The following SLC3A1 variants were observed in gnomAD, a reference collection of about 807,000 sequenced individuals.
SLC3A1 encodes the protein solute carrier family 3 member 1.
Under a neutral mutation model 60.3 loss-of-function variants are expected in SLC3A1, and 78 were observed. The ratio of observed to expected loss-of-function variants is 1.29; its 90% CI spans 1.08 to 1.56. The LOEUF (loss-of-function observed/expected upper bound fraction) is 1.56, where lower values mean the gene tolerates loss of function less well. SLC3A1 is among the 40% of genes most tolerant of loss of function. SLC3A1 has a pLI of 0.00. For synonymous variants in SLC3A1, 392 were observed against 307.9 expected, an observed-to-expected ratio of 1.27 and a Z score of -2.86; for missense variants, 1,172 against 858.9, an observed-to-expected ratio of 1.36 and a Z score of -4.56.
At position 44,301,042 on chromosome 2, in the gene SLC3A1, A is replaced by G; in HGVS notation, c.1051A>G (p.Thr351Ala). 4 of 1,614,056 alleles carry G rather than the reference A, an allele frequency of 2.5e-6. No individual in the cohort carries two copies. Among genetic ancestry groups the G allele is most frequent in the Non-Finnish European group, 3.4e-6 (4 of 1,179,990 alleles). ...TQYSELYHDF[T>A]TTQVGMHDIV... ...ATACTCGGAGCTGTACCATGACTTC[A>G]CCACCACGCAGGTGGGAATGCACGA... Residue 351 changes from threonine to alanine, a missense_variant, in exon 6 of 10, where the codon ACC (threonine) becomes GCC (alanine). Transcript: ENST00000260649.
chr2:44,280,838 C>A lies in SLC3A1; in HGVS notation c.553C>A (p.Pro185Thr), dbSNP rs759306145. 1 of 1,613,964 alleles carries A rather than the reference C, an allele frequency of 6.2e-7. No homozygotes were observed. The highest frequency in any genetic ancestry group is 1.1e-5 in the South Asian group (1 of 91,080). ...YGVEDFREVD[P>T]IFGTMEDFEN... The stretch of plus-strand genomic sequence containing the variant: ...TGTTGAAGATTTCCGGGAAGTTGAT[C>A]CCATTTTTGGAACGATGGAAGATTT... Residue 185 changes from proline (P) to threonine (T), a missense_variant, in exon 2 of 10, where the codon CCC becomes ACC. Pro to Thr is a conservative substitution (Grantham distance 38). Transcript: ENST00000260649.
At chr2:44,288,739 A>C (rs913230583) in intron 4 of SLC3A1, among the ~76,000 whole-genome samples, 3 of 152,252 alleles carry the variant, frequency 2.0e-5, no homozygotes, top group Admixed American at 2.0e-4. Flanking sequence ...AAATGGCTAA[A>C]GACGTTGAAC....
chr2:44,293,567 G>A (rs1323989479), intron 4 of SLC3A1, among the ~76,000 whole-genome samples: 1 of 151,998 alleles, frequency 6.6e-6, no homozygotes, highest in Non-Finnish European at 1.5e-5. Flanking sequence ...GAAAAGTCTA[G>A]TCTAGAGATA....
Position 44,280,780 on chromosome 2 carries a change from T to G in SLC3A1, c.495T>G (p.Phe165Leu), listed in dbSNP as rs2104334077. The G allele has an allele frequency of 6.2e-7, 1 of 1,612,468 alleles. No individual in the cohort carries two copies. The highest frequency in any genetic ancestry group is 8.5e-7 in the Non-Finnish European group (1 of 1,178,480). ...LNIKTVWITS[F>L]YKSSLKDFRY... ...TAAAAACTGTTTGGATTACTTCATT[T>G]TATAAATCGTCCCTTAAAGATTTCA... Residue 165 changes from phenylalanine (F) to leucine (L), a missense_variant, in exon 2 of 10, where the codon TTT (phenylalanine) becomes TTG (leucine). Transcript: ENST00000260649.
At chr2:44,285,303 C>A in intron 3 of SLC3A1, 1 of 165,220 alleles carries the variant, frequency 6.1e-6, no homozygotes, top group Admixed American at 5.8e-5. Flanking sequence ...GTAAAATCTC[C>A]CAGTTGTTAA....
At chr2:44,309,999 C>T (rs1327097343) in intron 7 of SLC3A1, among the ~76,000 whole-genome samples, 1 of 152,218 alleles carries the variant, frequency 6.6e-6, no homozygotes, top group African/African-American at 2.4e-5. Context: ...TCAAGCAATC[C>T]TCCTGCATTA....
At chr2:44,312,875 T>A in intron 8 of SLC3A1, 122 bp downstream of exon 8, 2 of 813,478 alleles carry the variant, frequency 2.5e-6, no homozygotes, top group Non-Finnish European at 4.0e-6. Context: ...ATGGTTACTT[T>A]GCTTTTCTTT....
At chr2:44,310,569 T>G (rs1296033145) in intron 7 of SLC3A1, among the ~76,000 whole-genome samples, 1 of 152,216 alleles carries the variant, frequency 6.6e-6, no homozygotes, top group African/African-American at 2.4e-5. Flanking sequence ...AGATTCTGTG[T>G]CTTTTAACGG....
intron 3 of SLC3A1, chr2:44,285,811 C>T: frequency 3.0e-6 from 2 of 676,704 alleles, no homozygotes; most frequent in South Asian, 1.5e-5. Context: ...TTGTTACAAA[C>T]AGCATCTACT....
Position 44,301,041 on chromosome 2 carries a change from C to T in SLC3A1, c.1050C>T (p.Phe350=), listed in dbSNP as rs1376297101. 6 of 1,614,044 alleles carry T rather than the reference C, an allele frequency of 3.7e-6. No individual in the cohort carries two copies. Among genetic ancestry groups the T allele is most frequent in the Non-Finnish European group, 5.1e-6 (6 of 1,180,006 alleles). The stretch of plus-strand genomic sequence containing the variant: ...AATACTCGGAGCTGTACCATGACTT[C>T]ACCACCACGCAGGTGGGAATGCACG... The part of the protein sequence containing the change: ...VTQYSELYHD[F]TTTQVGMHDI... Residue 350 remains phenylalanine (F), a synonymous_variant, in exon 6 of 10, where the codon TTC becomes TTT. Coordinates refer to ENST00000260649, the MANE Select transcript of SLC3A1 (RefSeq NM_000341.4).
At chr2:44,322,339 G>T (rs1673055429), downstream of SLC3A1, among the ~76,000 whole-genome samples, 1 of 152,176 alleles carries the variant, frequency 6.6e-6, no homozygotes, top group African/African-American at 2.4e-5. Flanking sequence ...AATTCATGCA[G>T]CTAAACAGTT....
intron 9 of SLC3A1, 171 bp from the exon 10 acceptor site, chr2:44,320,028 G>C: frequency 1.6e-6 from 1 of 616,126 alleles, no homozygotes; most frequent in Non-Finnish European, 2.8e-6. Flanking sequence ...ATTTCTATCA[G>C]TTTTTATATA....
chr2:44,275,525 G>T lies in SLC3A1; in HGVS notation c.-11G>T. 1 of 1,613,096 alleles carries T rather than the reference G, an allele frequency of 6.2e-7. No homozygotes were observed. Among genetic ancestry groups the T allele is most frequent in the Non-Finnish European group, 8.5e-7 (1 of 1,179,510 alleles). On this transcript the variant is annotated 5_prime_UTR_variant, in exon 1 of 10. Coordinates refer to ENST00000260649, the MANE Select transcript of SLC3A1 (RefSeq NM_000341.4). ...GCAGGAAGGCACTCCGAAGACATAA[G>T]TCGGTGAGACATGGCTGAAGATAAA...
At chr2:44,279,452 G>A (rs1028854513) in intron 1 of SLC3A1, among the ~76,000 whole-genome samples, 1 of 151,968 alleles carries the variant, frequency 6.6e-6, no homozygotes, top group African/African-American at 2.4e-5. Flanking sequence ...TCTGCCCCTG[G>A]GGGTCAAGGG....
At chr2:44,279,344 C>T (rs1671438358) in intron 1 of SLC3A1, among the ~76,000 whole-genome samples, 1 of 152,166 alleles carries the variant, frequency 6.6e-6, no homozygotes, top group African/African-American at 2.4e-5. Context: ...TTGCTCCCTC[C>T]TTTCCTTTGC....
chr2:44,319,468 T>C (rs1052507774), intron 9 of SLC3A1: 1 of 152,384 alleles, frequency 6.6e-6, no homozygotes, highest in Non-Finnish European at 1.5e-5. Context: ...GGTACAACCG[T>C]TCAACAGAAT....
intron 3 of SLC3A1, 75 bp downstream of exon 3, chr2:44,281,616 C>G (rs1671502347): frequency 1.5e-6 from 2 of 1,378,676 alleles, no homozygotes; most frequent in Non-Finnish European, 2.1e-6. Context: ...TAGTAAAACC[C>G]TTTTGAGGGA....
chr2:44,285,969 T>G, intron 3 of SLC3A1, 63 bp from the exon 4 acceptor site: 8 of 1,594,880 alleles, frequency 5.0e-6, no homozygotes, highest in South Asian at 1.1e-5. Flanking sequence ...GGGAGGGCAA[T>G]GATCTTTATT....
At chr2:44,298,504 A>G (rs1671914431) in intron 4 of SLC3A1, among the ~76,000 whole-genome samples, 1 of 152,044 alleles carries the variant, frequency 6.6e-6, no homozygotes, top group Admixed American at 6.6e-5. Flanking sequence ...CAGCCTCCCA[A>G]GTAGCTGGGA....
Sources: gnomAD v4.1 joint callset for allele counts (sites outside exome capture counted in the v4.1 genomes callset) on GRCh38, gnomAD v4.1.1 for gene constraint, MANE v1.5 for transcripts, NCBI Gene and HGNC (gene_info 2026-07-23, HGNC 2026-07-21) for gene names.